SLC2A9: variants seen among roughly 807,000 people sequenced by gnomAD.
The protein encoded by SLC2A9 is solute carrier family 2, facilitated glucose transporter member 9.
SLC2A9 carries 39 observed loss-of-function variants against 50.6 expected under a neutral mutation model. The ratio of observed to expected loss-of-function variants is 0.77; its 90% CI spans 0.60 to 1.01. The LOEUF is 1.01. Among genes scored for constraint, SLC2A9 ranks in the 50% least tolerant of loss-of-function variants. SLC2A9 has a pLI of 0.00. For synonymous variants in SLC2A9, 324 were observed against 276.9 expected (o/e 1.17, Z -1.69); for missense variants, 686 against 677.6 (o/e 1.01, Z -0.14).
chr4:9,901,651 T>C (rs1022190139), intron 8 of SLC2A9, among the ~76,000 whole-genome samples: 5 of 152,152 alleles, frequency 3.3e-5, no homozygotes, highest in African/African-American at 9.7e-5. Context: ...CAAACCATAT[T>C]TGAATCCCCT....
At chr4:10,025,148 A>G (rs1578386198), upstream of SLC2A9, among the ~76,000 whole-genome samples, 1 of 152,102 alleles carries the variant, frequency 6.6e-6, no homozygotes, top group Non-Finnish European at 1.5e-5. Flanking sequence ...TACCAAATAC[A>G]GGTTTATTAT....
chr4:10,030,403 T>C (rs1000531747), intron 1 of SLC2A9, among the ~76,000 whole-genome samples: 4 of 152,216 alleles, frequency 2.6e-5, no homozygotes, highest in Non-Finnish European at 5.9e-5. Context: ...TACAAGTAAT[T>C]ATGCCTTTGT....
At chr4:10,012,020 T>C (rs1318103505) in intron 2 of SLC2A9, among the ~76,000 whole-genome samples, 3 of 152,208 alleles carry the variant, frequency 2.0e-5, no homozygotes, top group Non-Finnish European at 4.4e-5. Flanking sequence ...AAATAAAATG[T>C]TATTGGCACA....
intron 10 of SLC2A9, among the ~76,000 whole-genome samples, chr4:9,878,705 C>A (rs765441538): frequency 2.6e-5 from 4 of 151,976 alleles, no homozygotes; most frequent in Admixed American, 2.6e-4. Context: ...CTGAGGGTAG[C>A]CTTGGGAACC....
intron 4 of SLC2A9, among the ~76,000 whole-genome samples, chr4:9,982,197 T>C (rs1756002651): frequency 6.6e-6 from 1 of 152,220 alleles, no homozygotes; most frequent in Non-Finnish European, 1.5e-5. Context: ...AAATTCTTTA[T>C]TACAAACAGA....
intron 3 of SLC2A9, chr4:9,782,072 T>A: frequency 6.7e-7 from 1 of 1,500,812 alleles, no homozygotes; most frequent in Middle Eastern, 1.8e-4. Flanking sequence ...CCCGGGGCAG[T>A]TCGCTCTATA....
intron 10 of SLC2A9, among the ~76,000 whole-genome samples, chr4:9,846,998 C>A (rs1439745783): frequency 6.6e-6 from 1 of 152,220 alleles, no homozygotes; most frequent in Non-Finnish European, 1.5e-5. Flanking sequence ...AGCTGTGTAA[C>A]CACAGGTAAG....
chr4:9,948,043 T>G (rs1749516860), intron 5 of SLC2A9, among the ~76,000 whole-genome samples: 1 of 152,188 alleles, frequency 6.6e-6, no homozygotes, highest in Admixed American at 6.5e-5. Flanking sequence ...GGGTACATTT[T>G]AGAACAGCTG....
chr4:10,036,617 C>G (rs1175210538), intron 1 of SLC2A9, among the ~76,000 whole-genome samples: 1 of 152,188 alleles, frequency 6.6e-6, no homozygotes, highest in Non-Finnish European at 1.5e-5. Flanking sequence ...GTTTAACATT[C>G]TATCTTTTAC....
chr4:9,914,982 A>G (rs1742580295), intron 7 of SLC2A9, among the ~76,000 whole-genome samples: 1 of 152,192 alleles, frequency 6.6e-6, no homozygotes, highest in Non-Finnish European at 1.5e-5. Flanking sequence ...TTCTCATCTT[A>G]CGGATAAAAA....
At chr4:9,776,187 CTTTT>C (rs75524600), downstream of SLC2A9, among the ~76,000 whole-genome samples, 202 of 141,988 alleles carry the variant, frequency 1.4e-3, 4 homozygotes, top group East Asian at 0.036. Context: ...GTCTTTCTTT[CTTTT>C]TTTTTTTTTT....
chr4:10,021,694 A>G (rs1479994541), upstream of SLC2A9, among the ~76,000 whole-genome samples: 28 of 146,680 alleles, frequency 1.9e-4, no homozygotes, highest in African/African-American at 6.6e-4. Context: ...TTTTTTTCTT[A>G]GCATCTTTTT....
chr4:9,961,184 GC>G (rs1410669913), intron 5 of SLC2A9, among the ~76,000 whole-genome samples: 2 of 152,128 alleles, frequency 1.3e-5, no homozygotes, highest in African/African-American at 4.8e-5. Context: ...GTCATGCTAT[GC>G]CCCTTCCCAC....
intron 6 of SLC2A9, 114 bp downstream of exon 6, chr4:9,941,799 A>C: frequency 6.8e-7 from 1 of 1,480,332 alleles, no homozygotes; most frequent in East Asian, 2.4e-5. Flanking sequence ...AGTGCCTGCA[A>C]AAAGGAACAA....
chr4:9,921,051 C>A (rs1258658816), intron 6 of SLC2A9, among the ~76,000 whole-genome samples: 1 of 152,174 alleles, frequency 6.6e-6, no homozygotes, highest in African/African-American at 2.4e-5. Context: ...ATGAGTTCAT[C>A]CTCATTGCAG....
chr4:9,957,863 A>C (rs1047953701), intron 5 of SLC2A9, among the ~76,000 whole-genome samples: 1 of 152,162 alleles, frequency 6.6e-6, no homozygotes. Context: ...AGAATAGAAA[A>C]ATGGGAGGTT....
Position 9,995,378 on chromosome 4 carries a change from T to C in SLC2A9, c.410+1403A>G, listed in dbSNP as rs544255053. 6.6e-5 allele frequency among the ~76,000 whole-genome samples: 10 copies of C among 152,348 alleles called. No individual in the cohort carries two copies. In the South Asian group the frequency reaches 2.1e-3, roughly 32 times the overall value. On this transcript the variant is annotated intron_variant, in intron 3 of 11. Coordinates refer to ENST00000264784, the MANE Select transcript of SLC2A9 (RefSeq NM_020041.3). ...TATCACAGACCCTCATAAGCACCAC[T>C]TGGATGTTTTCAGGGTGGCTTCCTG... is the stretch of plus-strand genomic sequence containing the variant.
At chr4:9,928,682 C>T (rs990028018) in intron 6 of SLC2A9, among the ~76,000 whole-genome samples, 14 of 152,076 alleles carry the variant, frequency 9.2e-5, no homozygotes, top group African/African-American at 2.7e-4. Flanking sequence ...TGCAGTGAGC[C>T]GAAAGTGCAT....
intron 5 of SLC2A9, among the ~76,000 whole-genome samples, chr4:9,965,944 G>T (rs1022752571): frequency 1.3e-5 from 2 of 152,196 alleles, no homozygotes; most frequent in Admixed American, 6.5e-5. Flanking sequence ...AGGGTGAGAT[G>T]GTTTTACTAG....
Sources: gnomAD v4.1 joint callset for allele counts (sites outside exome capture counted in the v4.1 genomes callset) on GRCh38, gnomAD v4.1.1 for gene constraint, MANE v1.5 for transcripts, NCBI Gene and HGNC (gene_info 2026-07-23, HGNC 2026-07-21) for gene names.